KIAA1549L: variants seen among roughly 807,000 people sequenced by gnomAD.
KIAA1549L encodes the protein UPF0606 protein KIAA1549L.
A neutral mutation model predicts 160.7 loss-of-function variants in KIAA1549L; 88 were observed. The ratio of observed to expected loss-of-function variants is 0.55; its 90% CI spans 0.46 to 0.65. The LOEUF is 0.65. KIAA1549L is among the 30% of genes least tolerant of loss of function. The pLI is 0.00. For synonymous variants in KIAA1549L, 950 were observed against 976.7 expected (o/e 0.97, Z 0.51); for missense variants, 2,258 against 2,437.5 (o/e 0.93, Z 1.55).
At chr11:33,635,794 C>T (rs1851421640) in intron 16 of KIAA1549L, among the ~76,000 whole-genome samples, 1 of 152,156 alleles carries the variant, frequency 6.6e-6, no homozygotes, top group Non-Finnish European at 1.5e-5. Flanking sequence ...CTCATTTATT[C>T]AGTGAGTATT....
Position 33,673,701 on chromosome 11 carries a change from C to T in KIAA1549L, c.*5547C>T, listed in dbSNP as rs980421042. 2 of 152,174 alleles carry T rather than the reference C, an allele frequency of 1.3e-5. No individual in the cohort carries two copies. Among genetic ancestry groups the T allele is most frequent in the Admixed American group, 6.5e-5 (1 of 15,286 alleles). The allele number at this position is 152,174 out of a possible 1,614,324, so 9.4% of individuals were successfully genotyped here. A position where few individuals can be genotyped will look rare whatever the true frequency, so the allele number is the denominator to read the frequency against. ...TTTTATCCAGGAAAATATTTTAGCT[C>T]CTCCTATCTGCTGAATTAATTTATA... On this transcript the variant is annotated 3_prime_UTR_variant, in exon 21 of 21. Transcript: ENST00000658780.
In KIAA1549L at chr11:33,668,100, G is replaced by A. The variant is rs756399778; in HGVS notation, c.6387G>A (p.Glu2129=). 4.3e-6 allele frequency: 7 copies of A among 1,614,010 alleles called. No individual in the cohort carries two copies. Among genetic ancestry groups the A allele is most frequent in the East Asian group, 2.2e-5 (1 of 44,890 alleles). Residue 2129 remains glutamate (E), a synonymous_variant, in exon 21 of 21, where the codon GAG becomes GAA. Transcript: ENST00000658780. ...STAALVKAIR[E]EVAKLAKKQT... ...CGGCCCTTGTGAAGGCCATCCGGGA[G>A]GAGGTGGCCAAGCTGGCCAAAAAAC...
chr11:33,573,255 A>G (rs1351029913), intron 9 of KIAA1549L, among the ~76,000 whole-genome samples: 1 of 152,168 alleles, frequency 6.6e-6, no homozygotes, highest in Non-Finnish European at 1.5e-5. Flanking sequence ...CCTTATCCCA[A>G]TAGCCTTTTA....
intron 1 of KIAA1549L, among the ~76,000 whole-genome samples, chr11:33,412,834 A>G (rs1359162355): frequency 6.6e-6 from 1 of 152,242 alleles, no homozygotes; most frequent in Non-Finnish European, 1.5e-5. Flanking sequence ...TATGGGATAG[A>G]TGCTATTTTT....
At chr11:33,498,892 T>C (rs1419711895) in intron 1 of KIAA1549L, among the ~76,000 whole-genome samples, 1 of 152,182 alleles carries the variant, frequency 6.6e-6, no homozygotes, top group Non-Finnish European at 1.5e-5. Context: ...TCCCTAGATT[T>C]CTTCTTACGT....
chr11:33,494,421 A>G (rs1205499010), intron 1 of KIAA1549L, among the ~76,000 whole-genome samples: 1 of 152,230 alleles, frequency 6.6e-6, no homozygotes, highest in Non-Finnish European at 1.5e-5. Flanking sequence ...AATCCCTGGA[A>G]GGCTTAAGGA....
At chr11:33,567,091 C>T (rs1048687342) in intron 8 of KIAA1549L, among the ~76,000 whole-genome samples, 5 of 152,050 alleles carry the variant, frequency 3.3e-5, no homozygotes, top group Non-Finnish European at 5.9e-5. Context: ...CTAGAACAGC[C>T]CTGGTGGTCC....
intron 4 of KIAA1549L, 135 bp downstream of exon 4, chr11:33,548,014 C>T (rs1278093384): frequency 3.1e-6 from 2 of 636,520 alleles, no homozygotes; most frequent in Non-Finnish European, 5.5e-6. Context: ...TTCACTTTGG[C>T]AACTAGCTAA....
At chr11:33,537,390 G>T (rs574535908) in intron 1 of KIAA1549L, among the ~76,000 whole-genome samples, 1 of 152,040 alleles carries the variant, frequency 6.6e-6, no homozygotes, top group African/African-American at 2.4e-5. Context: ...TCCTTAAGAC[G>T]TTGCTTAACT....
At chr11:33,479,004 C>T (rs141156733) in intron 1 of KIAA1549L, among the ~76,000 whole-genome samples, 45 of 152,296 alleles carry the variant, frequency 3.0e-4, no homozygotes, top group African/African-American at 9.9e-4. Context: ...TAAGGTTACT[C>T]AGTTAGTAAA....
At chr11:33,416,719 C>G (rs955630727) in intron 1 of KIAA1549L, among the ~76,000 whole-genome samples, 35 of 152,062 alleles carry the variant, frequency 2.3e-4, no homozygotes, top group African/African-American at 8.5e-4. Flanking sequence ...ATCCGTGATT[C>G]AAAACAAACA....
At chr11:33,544,443 C>A in intron 2 of KIAA1549L, 107 bp downstream of exon 2, 1 of 1,214,444 alleles carries the variant, frequency 8.2e-7, no homozygotes, top group Non-Finnish European at 1.2e-6. Flanking sequence ...CAGCTTTGCT[C>A]TGAAGGAGCT....
chr11:33,598,407 G>C (rs1455133070), intron 12 of KIAA1549L, among the ~76,000 whole-genome samples: 2 of 152,192 alleles, frequency 1.3e-5, no homozygotes, highest in African/African-American at 4.8e-5. Context: ...AATAGCCAAA[G>C]AGAACCACGT....
At chr11:33,641,724 A>G (rs7115033) in intron 16 of KIAA1549L, among the ~76,000 whole-genome samples, 85,488 of 148,712 alleles carry the variant, frequency 0.57, 24,853 homozygotes, top group East Asian at 0.72. Flanking sequence ...TTGTCTTTCA[A>G]TGCCTTAATT....
chr11:33,550,262 A>G (rs984329597), intron 4 of KIAA1549L, among the ~76,000 whole-genome samples: 1 of 152,036 alleles, frequency 6.6e-6, no homozygotes, highest in African/African-American at 2.4e-5. Flanking sequence ...ACGTATGTGT[A>G]TATATGTTAC....
intron 9 of KIAA1549L, among the ~76,000 whole-genome samples, chr11:33,572,851 A>C (rs1855311395): frequency 6.6e-6 from 1 of 152,228 alleles, no homozygotes; most frequent in Admixed American, 6.5e-5. Context: ...GTTGGTGTAC[A>C]TTAATTCTAT....
chr11:33,555,480 A>G (rs1326434385), intron 6 of KIAA1549L, among the ~76,000 whole-genome samples: 3 of 152,368 alleles, frequency 2.0e-5, no homozygotes, highest in East Asian at 1.9e-4. Flanking sequence ...CAAATGGAAT[A>G]GAAGAGAGAG....
chr11:33,438,847 GTTT>G (rs35955927), intron 1 of KIAA1549L, among the ~76,000 whole-genome samples: 37,643 of 139,476 alleles, frequency 0.27, 4,929 homozygotes, highest in Middle Eastern at 0.33. Context: ...GGATTTGAAG[GTTT>G]TTTTTTTTTT....
At chr11:33,660,692 C>T (rs972747181) in intron 19 of KIAA1549L, among the ~76,000 whole-genome samples, 171 bp from the exon 20 acceptor site, 1 of 152,230 alleles carries the variant, frequency 6.6e-6, no homozygotes. Flanking sequence ...AATTCCCCAG[C>T]AAATGTTACA....
Sources: allele counts gnomAD v4.1 joint callset (sites outside exome capture counted in the v4.1 genomes callset), GRCh38; gene constraint gnomAD v4.1.1; transcripts MANE v1.5; gene names NCBI Gene and HGNC (gene_info 2026-07-23, HGNC 2026-07-21).